Variants in NR3C1 observed in about 807,000 individuals in gnomAD.
NR3C1 encodes the protein glucocorticoid receptor.
NR3C1 carries 14 observed loss-of-function variants against 74.0 expected under a neutral mutation model. That is an observed-to-expected ratio of 0.19 (90% CI 0.12 to 0.30). The LOEUF is 0.30. Ranked by LOEUF, NR3C1 falls within the 10% of genes least tolerant of loss-of-function variation. The pLI is 1.00. For missense variants in NR3C1, 695 were observed against 909.8 expected, an observed-to-expected ratio of 0.76 and a Z score of 3.04; for synonymous variants, 308 against 332.5, an observed-to-expected ratio of 0.93 and a Z score of 0.80.
intron 2 of NR3C1, among the ~76,000 whole-genome samples, chr5:143,326,223 G>C (rs541180313): frequency 6.6e-6 from 1 of 152,308 alleles, no homozygotes; most frequent in East Asian, 1.9e-4. Flanking sequence ...GCCTGGCAGG[G>C]GCCTGCAGAG....
chr5:143,423,610 C>T (rs12513857), intron 1 of NR3C1, among the ~76,000 whole-genome samples: 50,795 of 151,922 alleles, frequency 0.33, 8,827 homozygotes, highest in African/African-American at 0.4. Context: ...CACTGCTGGA[C>T]ATATACCCAA....
At chr5:143,331,283 T>C (rs776271564) in intron 2 of NR3C1, among the ~76,000 whole-genome samples, 4 of 152,110 alleles carry the variant, frequency 2.6e-5, no homozygotes, top group Non-Finnish European at 4.4e-5. Flanking sequence ...CAGAAAATAA[T>C]AGATCCTGGT....
chr5:143,357,370 A>G (rs1305200036), intron 2 of NR3C1, among the ~76,000 whole-genome samples: 1 of 152,222 alleles, frequency 6.6e-6, no homozygotes, highest in South Asian at 2.1e-4. Flanking sequence ...CACTTTGTCA[A>G]TTTAACAAAA....
chr5:143,294,768 C>G (rs1816788688), intron 7 of NR3C1: 1 of 261,626 alleles, frequency 3.8e-6, no homozygotes, highest in African/African-American at 2.3e-5. Context: ...GCTTTTTTCA[C>G]TTAGTAATAT....
chr5:143,385,247 C>T lies in NR3C1; in HGVS notation c.1184+14409G>A, dbSNP rs142232771. ...AAACCATTTTTTCCTCCTAGACCTC[C>T]AGGCCTGTGATAGGAAGGGCTGCCA... On this transcript the variant is annotated intron_variant, in intron 2 of 8. Coordinates refer to ENST00000394464, the MANE Select transcript of NR3C1 (RefSeq NM_000176.3). Among the ~76,000 whole-genome samples, 155 of 152,326 alleles carry T rather than the reference C, an allele frequency of 1.0e-3. 3 individuals are homozygous for T. In the East Asian group the frequency reaches 0.022, roughly 22 times the overall value.
intron 2 of NR3C1, chr5:143,333,211 T>C: frequency 6.6e-7 from 1 of 1,516,514 alleles, no homozygotes; most frequent in Non-Finnish European, 9.0e-7. Flanking sequence ...GGTGAACGCA[T>C]CAATCAGCTC....
At chr5:143,412,452 T>C (rs1043212841) in intron 1 of NR3C1, among the ~76,000 whole-genome samples, 1 of 152,148 alleles carries the variant, frequency 6.6e-6, no homozygotes, top group Non-Finnish European at 1.5e-5. Context: ...GCAATTTTAA[T>C]TATAAAACTC....
intron 1 of NR3C1, among the ~76,000 whole-genome samples, chr5:143,423,930 G>A (rs1751372046): frequency 6.6e-6 from 1 of 151,698 alleles, no homozygotes; most frequent in Admixed American, 6.6e-5. Flanking sequence ...TGGTTACTAG[G>A]GTCTGGGAAG....
chr5:143,313,019 G>T (rs1821305969), intron 3 of NR3C1, among the ~76,000 whole-genome samples: 1 of 152,092 alleles, frequency 6.6e-6, no homozygotes, highest in Non-Finnish European at 1.5e-5. Flanking sequence ...TAAAACAAAA[G>T]AAAATGACTC....
chr5:143,409,807 G>C (rs61757449), intron 1 of NR3C1, among the ~76,000 whole-genome samples: 1 of 152,108 alleles, frequency 6.6e-6, no homozygotes, highest in African/African-American at 2.4e-5. Context: ...TAACATTCCC[G>C]CCTGGACTGG....
intron 1 of NR3C1, among the ~76,000 whole-genome samples, chr5:143,431,022 G>A (rs1442253016): frequency 2.0e-5 from 3 of 152,128 alleles, no homozygotes; most frequent in African/African-American, 4.8e-5. Flanking sequence ...CTATATAAAT[G>A]TTGTTTATGT....
chr5:143,416,958 T>C (rs1435293825), intron 1 of NR3C1, among the ~76,000 whole-genome samples: 1 of 152,170 alleles, frequency 6.6e-6, no homozygotes, highest in Non-Finnish European at 1.5e-5. Context: ...TTTTTTTTAT[T>C]AATACATAAA....
intron 2 of NR3C1, among the ~76,000 whole-genome samples, chr5:143,379,485 G>C (rs920523148): frequency 2.0e-5 from 3 of 152,064 alleles, no homozygotes; most frequent in African/African-American, 7.2e-5. Context: ...ATCACAGAAG[G>C]ATCAGAATTT....
chr5:143,358,052 C>T (rs1031692693), intron 2 of NR3C1, among the ~76,000 whole-genome samples: 9 of 152,130 alleles, frequency 5.9e-5, no homozygotes, highest in African/African-American at 2.2e-4. Context: ...GTTAAGATGC[C>T]TTGATCGTTA....
intron 1 of NR3C1, among the ~76,000 whole-genome samples, chr5:143,430,478 G>A (rs1258806243): frequency 6.6e-6 from 1 of 152,200 alleles, no homozygotes; most frequent in Non-Finnish European, 1.5e-5. Context: ...CTGAATGTTT[G>A]TGTCTCCCCA....
rs187180215 is a variant in NR3C1 at position 143,327,910 on chromosome 5, G to C, written c.1185-13742C>G. 1.9e-4 allele frequency among the ~76,000 whole-genome samples: 29 copies of C among 152,340 alleles called. No homozygotes were observed. In the East Asian group the frequency reaches 5.6e-3, roughly 29 times the overall value. Reference sequence around the variant, plus strand: ...AAACTGTCGGTGAATCTACCTTTCTGGGGCCTGGAGGACAGAGGCCCTCTT... The same window carrying C: ...AAACTGTCGGTGAATCTACCTTTCTCGGGCCTGGAGGACAGAGGCCCTCTT... On this transcript the variant is annotated intron_variant, in intron 2 of 8. Coordinates refer to ENST00000394464, the MANE Select transcript of NR3C1 (RefSeq NM_000176.3).
chr5:143,282,797 A>C, intron 7 of NR3C1, 72 bp from the exon 8 acceptor site: 1 of 1,356,892 alleles, frequency 7.4e-7, no homozygotes, highest in Admixed American at 2.1e-5. Context: ...TTTTTTTGAG[A>C]TAGATAGGGT....
At chr5:143,315,567 G>A (rs1260796721) in intron 2 of NR3C1, among the ~76,000 whole-genome samples, 1 of 151,866 alleles carries the variant, frequency 6.6e-6, no homozygotes, top group Non-Finnish European at 1.5e-5. Context: ...CTTAAATTGG[G>A]TGTTCGTTGT....
At chr5:143,313,615 A>C (rs1299105820) in intron 3 of NR3C1, among the ~76,000 whole-genome samples, 1 of 151,780 alleles carries the variant, frequency 6.6e-6, no homozygotes, top group African/African-American at 2.4e-5. Flanking sequence ...ACTGTGACTC[A>C]TTTTTGCCAG....
Sources: gnomAD v4.1 joint callset for allele counts (sites outside exome capture counted in the v4.1 genomes callset) on GRCh38, gnomAD v4.1.1 for gene constraint, MANE v1.5 for transcripts, NCBI Gene and HGNC (gene_info 2026-07-23, HGNC 2026-07-21) for gene names.